BICDL1: variants seen among roughly 807,000 people sequenced by gnomAD.
BICDL1 encodes the protein BICD family like cargo adaptor 1.
BICDL1 carries 20 observed loss-of-function variants against 76.8 expected under a neutral mutation model. The ratio of observed to expected loss-of-function variants is 0.26; its 90% confidence interval spans 0.18 to 0.38. BICDL1 has a LOEUF of 0.38. Ranked by LOEUF, BICDL1 falls within the 10% of genes least tolerant of loss-of-function variation. The pLI is 1.00. For missense variants in BICDL1, 700 were observed against 798.6 expected (o/e 0.88, Z 1.49); for synonymous variants, 383 against 337.1 (o/e 1.14, Z -1.49).
chr12:120,051,603 T>TGGGGGCACA (rs1952861504), intron 2 of BICDL1, among the ~76,000 whole-genome samples: 1 of 152,184 alleles, frequency 6.6e-6, no homozygotes, highest in South Asian at 2.1e-4. Flanking sequence ...TGCGTTTTCT[T>TGGGGGCACA]CTGTTAAGTG....
chr12:120,039,630 T>C (rs1594152305), intron 2 of BICDL1, among the ~76,000 whole-genome samples: 2 of 91,664 alleles, frequency 2.2e-5, no homozygotes, highest in African/African-American at 4.9e-5. Context: ...AGAGTGAGAC[T>C]CCGTCTCAAA....
At chr12:120,070,668 CAT>C (rs2138939570) in intron 4 of BICDL1, among the ~76,000 whole-genome samples, 1 of 151,538 alleles carries the variant, frequency 6.6e-6, no homozygotes, top group Admixed American at 6.6e-5. Context: ...AATTTTTTTA[CAT>C]TTTTGTTTGA....
chr12:119,999,578 C>A (rs1252301141), intron 2 of BICDL1, among the ~76,000 whole-genome samples: 2 of 152,128 alleles, frequency 1.3e-5, no homozygotes, highest in Non-Finnish European at 2.9e-5. Flanking sequence ...AGTAAACATT[C>A]TTTATTTGTA....
chr12:120,091,506 C>A (rs1475776808), intron 9 of BICDL1: 1 of 985,804 alleles, frequency 1.0e-6, no homozygotes, highest in Non-Finnish European at 1.2e-6. Flanking sequence ...ATATACTAGA[C>A]CCTTATAAGG....
rs759711631 is a variant in BICDL1, at chr12:120,061,802, C to T, written c.738C>T (p.Ile246=). ...EKNSSTNQHI[I]RLESLQAEIK... ...ACTCATCAACCAACCAGCACATTAT[C>T]CGGCTGGAGAGCCTTCAGGCCGAGG... Residue 246 remains isoleucine (I), a synonymous_variant, in exon 3 of 10, where the codon ATC becomes ATT. Transcript: ENST00000548673. The T allele has an allele frequency of 3.1e-6, 5 of 1,613,904 alleles. No individual in the cohort carries two copies. The highest frequency in any genetic ancestry group is 1.3e-5 in the African/African-American group (1 of 75,054).
intron 8 of BICDL1, among the ~76,000 whole-genome samples, chr12:120,083,933 G>A (rs1004015884): frequency 1.1e-4 from 17 of 150,640 alleles, no homozygotes; most frequent in African/African-American, 3.4e-4. Flanking sequence ...GATTACAGGC[G>A]TGAGCCACTG....
intron 8 of BICDL1, among the ~76,000 whole-genome samples, chr12:120,086,146 C>T (rs80024603): frequency 6.6e-6 from 1 of 152,190 alleles, no homozygotes; most frequent in Non-Finnish European, 1.5e-5. Flanking sequence ...ATTCTCCCCT[C>T]TGGAAGGATG....
intron 2 of BICDL1, among the ~76,000 whole-genome samples, chr12:120,027,833 A>C (rs1260474292): frequency 7.9e-5 from 12 of 152,204 alleles, no homozygotes; most frequent in Non-Finnish European, 2.9e-5. Context: ...GGCTAACATC[A>C]CTTAACACCA....
intron 2 of BICDL1, among the ~76,000 whole-genome samples, chr12:120,025,189 T>C (rs1952269008): frequency 6.6e-6 from 1 of 151,962 alleles, no homozygotes; most frequent in African/African-American, 2.4e-5. Flanking sequence ...TAGCTGGGAC[T>C]ACAGGCGCCC....
intron 8 of BICDL1, among the ~76,000 whole-genome samples, chr12:120,087,051 C>T (rs1874477197): frequency 1.3e-5 from 2 of 152,254 alleles, no homozygotes; most frequent in South Asian, 4.1e-4. Context: ...GGGGCTCCCG[C>T]TGCTCTCGGC....
intron 1 of BICDL1, among the ~76,000 whole-genome samples, chr12:119,995,744 T>C (rs1190203229): frequency 6.6e-6 from 1 of 152,190 alleles, no homozygotes; most frequent in Non-Finnish European, 1.5e-5. Context: ...CCCAGCACTT[T>C]GGGAGGCCGA....
At chr12:120,006,131 G>A (rs749888674) in intron 2 of BICDL1, among the ~76,000 whole-genome samples, 37 of 152,144 alleles carry the variant, frequency 2.4e-4, no homozygotes, top group Non-Finnish European at 4.7e-4. Flanking sequence ...TCAAGATAAT[G>A]GTTACCTGGG....
intron 5 of BICDL1, 37 bp from the exon 6 acceptor site, chr12:120,072,474 T>A (rs766842373): frequency 6.2e-7 from 1 of 1,600,346 alleles, no homozygotes; most frequent in South Asian, 1.1e-5. Flanking sequence ...CAGTCTTCTC[T>A]AGAGTCTGAA....
chr12:120,033,917 G>A (rs1594144098), intron 2 of BICDL1, among the ~76,000 whole-genome samples: 1 of 152,134 alleles, frequency 6.6e-6, no homozygotes, highest in East Asian at 1.9e-4. Flanking sequence ...GACTGTGGTG[G>A]TGATGTGAGA....
At chr12:120,022,300 A>T (rs1952199929) in intron 2 of BICDL1, among the ~76,000 whole-genome samples, 1 of 151,230 alleles carries the variant, frequency 6.6e-6, no homozygotes, top group Admixed American at 6.6e-5. Flanking sequence ...ACAGTGGCTC[A>T]TGCCTGTAAT....
rs1875184610 is a variant in BICDL1 at position 120,093,735 on chromosome 12, G to A, written c.*574G>A. 1 of 170,856 alleles carries A rather than the reference G, an allele frequency of 5.9e-6. No homozygotes were observed. Among genetic ancestry groups the A allele is most frequent in the South Asian group, 1.3e-4 (1 of 7,890 alleles). The allele number at this position is 170,856 out of a possible 1,614,324, so 10.6% of individuals were successfully genotyped here. Reference sequence around the variant, plus strand: ...CAGGAGGCCAAGCCTCTGGCCGCAGGGTCTAAGAGCCGGGGCTTACCCAAG... The same window carrying A: ...CAGGAGGCCAAGCCTCTGGCCGCAGAGTCTAAGAGCCGGGGCTTACCCAAG... On this transcript the variant is annotated 3_prime_UTR_variant, in exon 10 of 10. Transcript: ENST00000548673.
intron 2 of BICDL1, among the ~76,000 whole-genome samples, chr12:120,030,500 C>CA (rs1348551643): frequency 1.3e-5 from 2 of 152,050 alleles, no homozygotes; most frequent in Non-Finnish European, 2.9e-5. Context: ...TTAAGATTTA[C>CA]AAAAAAATGT....
At chr12:120,080,072 G>A (rs1873848397) in intron 7 of BICDL1, among the ~76,000 whole-genome samples, 1 of 152,226 alleles carries the variant, frequency 6.6e-6, no homozygotes. Flanking sequence ...ACTGCTTTGG[G>A]ATTAAGCACC....
intron 2 of BICDL1, chr12:119,999,635 TA>T: frequency 3.5e-6 from 1 of 286,706 alleles, no homozygotes; most frequent in Non-Finnish European, 6.8e-6. Context: ...GTCAAGGCTG[TA>T]AAATCATTTC....
Sources: gnomAD v4.1 joint callset for allele counts (sites outside exome capture counted in the v4.1 genomes callset) on GRCh38, gnomAD v4.1.1 for gene constraint, MANE v1.5 for transcripts, NCBI Gene and HGNC (gene_info 2026-07-23, HGNC 2026-07-21) for gene names.